Variants in PCYOX1L observed in about 807,000 individuals in gnomAD.
PCYOX1L encodes prenylcysteine oxidase 1-like.
In PCYOX1L, 40 loss-of-function variants were observed where a neutral mutation model predicts 44.1. The ratio of observed to expected loss-of-function variants is 0.91; its 90% confidence interval spans 0.70 to 1.18. PCYOX1L has a LOEUF of 1.18. Ranked by LOEUF, PCYOX1L falls within the 50% of genes most tolerant of loss-of-function variation. The probability of loss-of-function intolerance (pLI) is 0.00; values close to 1 mark genes in which losing one functional copy is unlikely to be tolerated. For missense variants in PCYOX1L, 605 were observed against 653.3 expected, an observed-to-expected ratio of 0.93 and a Z score of 0.81; for synonymous variants, 266 against 282.8, an observed-to-expected ratio of 0.94 and a Z score of 0.60.
chr5:149,358,181 C>T, intron 1 of PCYOX1L, 25 bp downstream of exon 1: 2 of 1,428,068 alleles, frequency 1.4e-6, no homozygotes, highest in African/African-American at 1.5e-5. Context: ...CGGTGGGGTT[C>T]CCAGCTGGGG....
rs757212838 is a variant in PCYOX1L, at chr5:149,368,474, G to A, written c.1305G>A (p.Pro435=). The A allele has an allele frequency of 3.0e-5, 48 of 1,612,992 alleles. No homozygotes were observed. The highest frequency in any genetic ancestry group is 3.8e-5 in the Non-Finnish European group (45 of 1,179,426). ...TCTATGGCTCCCGCCCCACGCTCCC[G>A]AGGTTTGCACTCCATGACCAGCTCT... is the stretch of plus-strand genomic sequence containing the variant. ...HPLYGSRPTL[P]RFALHDQLFY... Residue 435 remains proline (P), a synonymous_variant, in exon 6 of 6, where the codon CCG becomes CCA. Transcript: ENST00000274569.
intron 2 of PCYOX1L, chr5:149,363,639 G>C (rs750539579): frequency 4.2e-6 from 1 of 240,650 alleles, no homozygotes; most frequent in Non-Finnish European, 8.2e-6. Flanking sequence ...AGCTCTGTCT[G>C]TGTTTAGGAG....
intron 3 of PCYOX1L, chr5:149,365,090 C>T (rs549022052): frequency 1.2e-4 from 19 of 152,662 alleles, no homozygotes; most frequent in African/African-American, 4.3e-4. Flanking sequence ...TTCTATAACT[C>T]TGCTGTTTAT....
chr5:149,367,539 C>T, intron 5 of PCYOX1L, 39 bp downstream of exon 5: 8 of 1,606,290 alleles, frequency 5.0e-6, no homozygotes, highest in Non-Finnish European at 6.8e-6. Context: ...CATGCCATTC[C>T]CAGCCAGTGG....
chr5:149,359,936 C>T (rs1581365240), intron 1 of PCYOX1L, among the ~76,000 whole-genome samples: 1 of 152,248 alleles, frequency 6.6e-6, no homozygotes, highest in East Asian at 1.9e-4. Context: ...TCAGGACCCT[C>T]TAAACCCACC....
chr5:149,365,569 C>T, intron 3 of PCYOX1L: 1 of 269,324 alleles, frequency 3.7e-6, no homozygotes, highest in African/African-American at 2.2e-5. Flanking sequence ...GAAGCTGTGG[C>T]AGAACCGACA....
chr5:149,368,223 A>G lies in PCYOX1L; in HGVS notation c.1054A>G (p.Lys352Glu). 6.2e-7 allele frequency: 1 copy of G among 1,613,976 alleles called. No individual in the cohort carries two copies. Among genetic ancestry groups the G allele is most frequent in the Non-Finnish European group, 8.5e-7 (1 of 1,179,988 alleles). Residue 352 changes from lysine (K) to glutamate (E), a missense_variant, in exon 6 of 6, where the codon AAG (lysine) becomes GAG (glutamate). Lys to Glu is a moderately conservative substitution (Grantham distance 56). Transcript: ENST00000274569. ...GTCCTACTTCGGTTTCCCAGACCCT[A>G]AGCTTTTCCCCTTTGCCAACATCCT... The part of the protein sequence containing the change: ...NSSYFGFPDP[K>E]LFPFANILTT...
At chr5:149,365,152 C>T (rs529047278) in intron 3 of PCYOX1L, 2 of 152,246 alleles carry the variant, frequency 1.3e-5, no homozygotes, top group Admixed American at 6.5e-5. Context: ...ATTTCCTTAC[C>T]TCTCTTTCTG....
Position 149,368,340 on chromosome 5 carries a change from G to T in PCYOX1L, c.1171G>T (p.Ala391Ser). 6.2e-7 allele frequency: 1 copy of T among 1,614,166 alleles called. No homozygotes were observed. The highest frequency in any genetic ancestry group is 8.5e-7 in the Non-Finnish European group (1 of 1,180,030). Residue 391 changes from alanine to serine, a missense_variant, in exon 6 of 6, where the codon GCA (alanine) becomes TCA (serine). Physicochemically the swap from Ala to Ser is moderately conservative, Grantham distance 99. Coordinates refer to ENST00000274569, the MANE Select transcript of PCYOX1L (RefSeq NM_024028.4). ...ASFRRKQPQE[A>S]AVWRVQSPKP... Reference sequence around the variant, plus strand: ...CTTCCGGCGAAAGCAGCCCCAGGAGGCAGCTGTTTGGCGAGTCCAGTCCCC... The same window carrying T: ...CTTCCGGCGAAAGCAGCCCCAGGAGTCAGCTGTTTGGCGAGTCCAGTCCCC...
chr5:149,368,502 T>C lies in PCYOX1L; in HGVS notation c.1333T>C (p.Tyr445His), dbSNP rs1483601261. 2 of 1,612,266 alleles carry C rather than the reference T, an allele frequency of 1.2e-6. No homozygotes were observed. Among genetic ancestry groups the C allele is most frequent in the African/African-American group, 2.7e-5 (2 of 74,936 alleles). Reference sequence around the variant, plus strand: ...GTTTGCACTCCATGACCAGCTCTTCTACCTCAATGCCCTGGAGTGGGCGGC... The same window carrying C: ...GTTTGCACTCCATGACCAGCTCTTCCACCTCAATGCCCTGGAGTGGGCGGC... The part of the protein sequence containing the change: ...PRFALHDQLF[Y>H]LNALEWAASS... Residue 445 changes from tyrosine (Y) to histidine (H), a missense_variant, in exon 6 of 6, where the codon TAC becomes CAC. Physicochemically the swap from Tyr to His is moderately conservative, Grantham distance 83. Transcript: ENST00000274569.
At chr5:149,366,963 C>CCAT (rs1225726545) in intron 4 of PCYOX1L, among the ~76,000 whole-genome samples, 2 of 152,182 alleles carry the variant, frequency 1.3e-5, no homozygotes, top group African/African-American at 2.4e-5. Flanking sequence ...AGTTCTAAAA[C>CCAT]CATCACCACA....
chr5:149,365,985 G>A lies in PCYOX1L; in HGVS notation c.514G>A (p.Glu172Lys), dbSNP rs1365762085. 5 of 1,614,120 alleles carry A rather than the reference G, an allele frequency of 3.1e-6. No individual in the cohort carries two copies. The highest frequency in any genetic ancestry group is 1.1e-5 in the South Asian group (1 of 91,092). The change falls in exon 4 of 6, where the codon GAG (glutamate) becomes AAG (lysine). Residue 172 changes from glutamate to lysine, a missense_variant. Physicochemically the swap from Glu to Lys is moderately conservative, Grantham distance 56 (BLOSUM62 1). Transcript: ENST00000274569. ...QAHGYAFSGV[E>K]ELLYSLGEST... is the part of the protein sequence containing the mutation. ...CCACGGCTATGCCTTCTCGGGTGTG[G>A]AGGAGCTGCTCTACTCACTGGGGGA...
intron 5 of PCYOX1L, among the ~76,000 whole-genome samples, chr5:149,367,729 C>G (rs767945775): frequency 1.3e-5 from 2 of 152,182 alleles, no homozygotes; most frequent in African/African-American, 2.4e-5. Context: ...TTCTGTTGAC[C>G]GATGAGGACT....
intron 5 of PCYOX1L, 29 bp downstream of exon 5, chr5:149,367,529 C>T (rs1758254437): frequency 6.2e-7 from 1 of 1,608,364 alleles, no homozygotes; most frequent in Non-Finnish European, 8.5e-7. Context: ...AGTGGGCAGG[C>T]ATGCCATTCC....
rs376047123 is a variant in PCYOX1L at position 149,362,861 on chromosome 5, G to C, written c.295+18G>C. On this transcript the variant is annotated intron_variant, in intron 2 of 5. Coordinates refer to ENST00000274569, the MANE Select transcript of PCYOX1L (RefSeq NM_024028.4). ...GCTGCTGGGTGAGTGGTCAGTCCTG[G>C]GGCTCCAGTGCCCAGCGCCCTGGGG... is the stretch of plus-strand genomic sequence containing the variant. 1.9e-5 allele frequency: 31 copies of C among 1,612,608 alleles called. No homozygotes were observed. The highest frequency in any genetic ancestry group is 2.7e-5 in the African/African-American group (2 of 74,956).
chr5:149,362,775 A>C lies in PCYOX1L; in HGVS notation c.227A>C (p.His76Pro), dbSNP rs575316170. 24 of 1,614,090 alleles carry C rather than the reference A, an allele frequency of 1.5e-5. No individual in the cohort carries two copies. The highest frequency in any genetic ancestry group is 1.9e-5 in the Non-Finnish European group (23 of 1,180,056). The stretch of plus-strand genomic sequence containing the variant: ...GCCACCATCTCAGTCAACAAGCAGC[A>C]CTATGAGAGCGGGGCTGCCTCCTTC... Reference protein sequence around the residue: ...RLATISVNKQHYESGAASFHS... With the variant: ...RLATISVNKQPYESGAASFHS... Residue 76 changes from histidine to proline, a missense_variant, in exon 2 of 6, where the codon CAC becomes CCC. Physicochemically the swap from His to Pro is moderately conservative, Grantham distance 77. Transcript: ENST00000274569.
chr5:149,362,384 C>T (rs1014602403), intron 1 of PCYOX1L: 6 of 515,490 alleles, frequency 1.2e-5, no homozygotes, highest in African/African-American at 9.5e-5. Context: ...GTATTCTTTG[C>T]TGGTCTTTTG....
chr5:149,366,620 C>G (rs1758217598), intron 4 of PCYOX1L, among the ~76,000 whole-genome samples: 1 of 152,194 alleles, frequency 6.6e-6, no homozygotes, highest in African/African-American at 2.4e-5. Context: ...GAGCAGGAAT[C>G]CTTGTCTATT....
intron 1 of PCYOX1L, 145 bp from the exon 2 acceptor site, chr5:149,362,492 G>A (rs774052821): frequency 3.7e-5 from 29 of 788,706 alleles, no homozygotes; most frequent in South Asian, 6.9e-5. Flanking sequence ...AACTCAGTCC[G>A]CAGATTTCCT....
Sources: gnomAD v4.1 joint callset for allele counts (sites outside exome capture counted in the v4.1 genomes callset) on GRCh38, gnomAD v4.1.1 for gene constraint, MANE v1.5 for transcripts, NCBI Gene and HGNC (gene_info 2026-07-23, HGNC 2026-07-21) for gene names.